FAM234A: variants seen among roughly 807,000 people sequenced by gnomAD.
FAM234A encodes the protein protein FAM234A.
FAM234A carries 42 observed loss-of-function variants against 49.1 expected under a neutral mutation model. The ratio of observed to expected loss-of-function variants is 0.86; its 90% confidence interval spans 0.67 to 1.11. FAM234A has a LOEUF of 1.11. Ranked by LOEUF, FAM234A falls within the 50% of genes least tolerant of loss-of-function variation. The pLI is 0.00. For synonymous variants in FAM234A, 369 were observed against 316.2 expected (o/e 1.17, Z -1.77); for missense variants, 815 against 745.2 (o/e 1.09, Z -1.09).
In FAM234A at chr16:251,255, C is replaced by T. The variant is rs1002283859; in HGVS notation, c.-34+1601C>T. ...ACAGGCGTGAGCCACTGCGCCCAGC[C>T]GATACGTTCATATGTTGTTGGACAT... On this transcript the variant is annotated intron_variant, in intron 2 of 12. Transcript: ENST00000399932. 3.3e-5 allele frequency among the ~76,000 whole-genome samples: 5 copies of T among 152,146 alleles called. No homozygotes were observed. The East Asian group carries it at 5.8e-4, about 18-fold the overall frequency.
chr16:254,868 T>A (rs1275611922), intron 3 of FAM234A, among the ~76,000 whole-genome samples, 187 bp downstream of exon 3: 1 of 152,226 alleles, frequency 6.6e-6, no homozygotes, highest in African/African-American at 2.4e-5. Context: ...AGCCTTTTTA[T>A]TTTTGAGATG....
downstream of FAM234A, among the ~76,000 whole-genome samples, chr16:267,561 C>G (rs1404096467): frequency 6.7e-6 from 1 of 148,162 alleles, no homozygotes; most frequent in African/African-American, 2.5e-5. Flanking sequence ...CACAGTACAC[C>G]TGCACACGTG....
In FAM234A at chr16:244,175, A is replaced by G. The variant is rs570529221; in HGVS notation, c.-139-5374A>G. Among the ~76,000 whole-genome samples, 260 of 152,108 alleles carry G rather than the reference A, an allele frequency of 1.7e-3. 1 individual carries two copies. Among genetic ancestry groups the G allele is most frequent in the African/African-American group, 5.6e-3 (234 of 41,504 alleles). On this transcript the variant is annotated intron_variant, in intron 1 of 12. Coordinates refer to ENST00000399932, the MANE Select transcript of FAM234A (RefSeq NM_032039.4). Reference sequence around the variant, plus strand: ...AGTAGAGATGGGGTTTCACCGTGTTAGCTAGGATGGTCTCGATCTCCTGAC... The same window carrying G: ...AGTAGAGATGGGGTTTCACCGTGTTGGCTAGGATGGTCTCGATCTCCTGAC...
At chr16:238,904 G>C (rs2050509519) in intron 1 of FAM234A, among the ~76,000 whole-genome samples, 1 of 143,014 alleles carries the variant, frequency 7.0e-6, no homozygotes, top group African/African-American at 2.6e-5. Context: ...CTAACATGGT[G>C]AAACCCCATC....
downstream of FAM234A, chr16:268,719 G>A (rs1006390642): frequency 2.9e-5 from 44 of 1,522,242 alleles, no homozygotes; most frequent in Middle Eastern, 1.7e-4. Context: ...GCGCAGCTCC[G>A]GAAGGCAGTG....
intron 1 of FAM234A, among the ~76,000 whole-genome samples, chr16:242,813 C>A (rs1421966138): frequency 1.3e-5 from 2 of 151,924 alleles, no homozygotes; most frequent in African/African-American, 2.4e-5. Flanking sequence ...GGAGTTTCAC[C>A]ATGTTGGCCA....
intron 3 of FAM234A, among the ~76,000 whole-genome samples, chr16:256,321 A>T (rs2051231024): frequency 6.6e-6 from 1 of 152,166 alleles, no homozygotes. Context: ...ACTATTTTCC[A>T]TTCCTACTAC....
chr16:254,329 C>T, intron 2 of FAM234A, 52 bp from the exon 3 acceptor site: 2 of 1,502,240 alleles, frequency 1.3e-6, no homozygotes, highest in Admixed American at 1.8e-5. Flanking sequence ...TGTGCTGCAG[C>T]TTTGTGCCGT....
downstream of FAM234A, chr16:268,446 C>G: frequency 2.5e-6 from 1 of 403,794 alleles, no homozygotes; most frequent in Non-Finnish European, 4.6e-6. Context: ...CCGAAAGGAG[C>G]CAGCTGTACC....
intron 1 of FAM234A, among the ~76,000 whole-genome samples, 187 bp downstream of exon 1, chr16:235,044 A>C (rs949485763): frequency 7.0e-4 from 106 of 152,264 alleles, no homozygotes; most frequent in African/African-American, 2.5e-3. Flanking sequence ...GCGGGGCCCC[A>C]AGTCCCTCAG....
At chr16:269,491 G>C, downstream of FAM234A, 3 of 1,612,346 alleles carry the variant, frequency 1.9e-6, no homozygotes, top group Non-Finnish European at 2.5e-6. Flanking sequence ...ACAGGGCACT[G>C]CCTGGGCTCA....
At chr16:262,599 T>TGG (rs2051513850) in intron 8 of FAM234A, 46 bp downstream of exon 8, 1 of 1,513,130 alleles carries the variant, frequency 6.6e-7, no homozygotes, top group Non-Finnish European at 8.8e-7. Flanking sequence ...GCCCACCCCA[T>TGG]GGCTCTGCTC....
chr16:268,707 AG>A, downstream of FAM234A: 1 of 1,483,450 alleles, frequency 6.7e-7, no homozygotes, highest in Non-Finnish European at 9.1e-7. Flanking sequence ...AGGGAGGAAT[AG>A]GCGCAGCTCC....
intron 2 of FAM234A, among the ~76,000 whole-genome samples, chr16:253,651 T>C (rs796786761): frequency 2.2e-4 from 33 of 152,190 alleles, no homozygotes; most frequent in African/African-American, 7.5e-4. Flanking sequence ...ATTTTTTGTA[T>C]TTTTAGTAGA....
chr16:263,548 T>C (rs1005124383), intron 9 of FAM234A, 146 bp downstream of exon 9: 10 of 1,297,992 alleles, frequency 7.7e-6, no homozygotes, highest in Non-Finnish European at 1.1e-5. Flanking sequence ...TCTCTGGTAC[T>C]TGCCCCTTGC....
intron 1 of FAM234A, among the ~76,000 whole-genome samples, chr16:238,150 C>T (rs1020349150): frequency 6.6e-6 from 1 of 152,164 alleles, no homozygotes; most frequent in Non-Finnish European, 1.5e-5. Flanking sequence ...TCCTGAGTAG[C>T]TGAGATTACA....
At position 254,691 on chromosome 16, in the gene FAM234A, G is replaced by A. The variant is rs757195933; in HGVS notation, c.268+10G>A. 10 of 1,612,294 alleles carry A rather than the reference G, an allele frequency of 6.2e-6. No individual in the cohort carries two copies. Among genetic ancestry groups the A allele is most frequent in the Non-Finnish European group, 7.6e-6 (9 of 1,179,468 alleles). On this transcript the variant is annotated intron_variant, in intron 3 of 12. Coordinates refer to ENST00000399932, the MANE Select transcript of FAM234A (RefSeq NM_032039.4). ...GACTACAGTGCCGCTGGTGAGCCTC[G>A]GCTTCCCCGCCCAGTGGGGTCCAAA...
At chr16:261,306 G>C (rs1229618353) in intron 5 of FAM234A, 78 bp from the exon 6 acceptor site, 2 of 1,538,370 alleles carry the variant, frequency 1.3e-6, no homozygotes, top group East Asian at 2.3e-5. Context: ...GAGCCTGCCT[G>C]TCACAGGCCT....
At chr16:262,605 T>C (rs1255300113) in intron 8 of FAM234A, 52 bp downstream of exon 8, 3 of 1,496,570 alleles carry the variant, frequency 2.0e-6, no homozygotes, top group Non-Finnish European at 2.7e-6. Flanking sequence ...CCCATGGCTC[T>C]GCTCGCCTGC....
Sources: allele counts gnomAD v4.1 joint callset (sites outside exome capture counted in the v4.1 genomes callset), GRCh38; gene constraint gnomAD v4.1.1; transcripts MANE v1.5; gene names NCBI Gene and HGNC (gene_info 2026-07-23, HGNC 2026-07-21).